The following IKZF3 variants were observed in gnomAD, a reference collection of about 807,000 sequenced individuals.
IKZF3 encodes IKAROS family zinc finger 3.
IKZF3 carries 10 observed loss-of-function variants against 49.0 expected under a neutral mutation model. The ratio of observed to expected loss-of-function variants is 0.20; its 90% CI spans 0.13 to 0.35. The LOEUF (loss-of-function observed/expected upper bound fraction) is 0.35. Ranked by LOEUF, IKZF3 falls within the 10% of genes least tolerant of loss-of-function variation. The pLI is 1.00. For synonymous variants in IKZF3, 209 were observed against 228.2 expected, an observed-to-expected ratio of 0.92 and a Z score of 0.76; for missense variants, 498 against 664.8, an observed-to-expected ratio of 0.75 and a Z score of 2.76.
intron 2 of IKZF3, among the ~76,000 whole-genome samples, chr17:39,831,198 G>A (rs950445121): frequency 2.3e-4 from 35 of 152,046 alleles, no homozygotes; most frequent in African/African-American, 6.7e-4. Flanking sequence ...CCTGACCAAC[G>A]TGGTGAAACC....
intron 1 of IKZF3, among the ~76,000 whole-genome samples, chr17:39,861,166 A>C (rs2063205321): frequency 1.3e-5 from 2 of 152,238 alleles, no homozygotes; most frequent in Admixed American, 6.5e-5. Context: ...AACAAGACAC[A>C]GTCTCTGTTC....
In IKZF3 at chr17:39,789,227, C is replaced by T. The variant is rs999720910; in HGVS notation, c.593-853G>A. On this transcript the variant is annotated intron_variant, in intron 5 of 7. Transcript: ENST00000346872. ...GGAGGATCACCTGAGGTCAGGAGTT[C>T]GAGACCAGCCTGCCTAACATGGCAA... Among the ~76,000 whole-genome samples, 9 of 152,092 alleles carry T rather than the reference C, an allele frequency of 5.9e-5. 1 individual carries two copies. The highest frequency in any genetic ancestry group is 3.3e-4 in the Admixed American group (5 of 15,280).
intron 1 of IKZF3, among the ~76,000 whole-genome samples, chr17:39,848,925 C>T (rs2062712694): frequency 6.6e-6 from 1 of 152,114 alleles, no homozygotes; most frequent in African/African-American, 2.4e-5. Context: ...TTGAATGATC[C>T]TCCCGCTTTA....
intron 3 of IKZF3, among the ~76,000 whole-genome samples, chr17:39,794,563 G>A (rs2061116024): frequency 6.6e-6 from 1 of 152,284 alleles, no homozygotes; most frequent in East Asian, 1.9e-4. Flanking sequence ...AGAGGAGCCA[G>A]GGCTGCCACA....
Position 39,777,278 on chromosome 17 carries a change from C to T in IKZF3, c.826+373G>A, listed in dbSNP as rs1157697438. 3.3e-5 allele frequency among the ~76,000 whole-genome samples: 5 copies of T among 152,296 alleles called. No homozygotes were observed. The South Asian group carries it at 6.2e-4, about 19-fold the overall frequency. ...AAGTTTGAGCATGCTAACGAACCAA[C>T]TTGTAAAATATAATTACAAAAGATT... is the stretch of plus-strand genomic sequence containing the variant. On this transcript the variant is annotated intron_variant, in intron 7 of 7. Transcript: ENST00000346872.
chr17:39,838,244 T>C (rs2062358505), intron 1 of IKZF3, among the ~76,000 whole-genome samples: 1 of 152,184 alleles, frequency 6.6e-6, no homozygotes. Flanking sequence ...TTCAATTATA[T>C]GTGTGTTAGA....
chr17:39,821,958 C>G (rs1347099355), intron 3 of IKZF3, among the ~76,000 whole-genome samples: 2 of 152,066 alleles, frequency 1.3e-5, no homozygotes, highest in Admixed American at 6.5e-5. Flanking sequence ...AGTGGAAGAG[C>G]ATGTTTGGGT....
rs2060206224 is a variant in IKZF3 at position 39,762,635 on chromosome 17, C to CCT, written c.*3154_*3155insAG. On this transcript the variant is annotated 3_prime_UTR_variant, in exon 8 of 8. Transcript: ENST00000346872. Reference sequence around the variant, plus strand: ...GGTGCGGTAGCTCATGCCTGTAATCCCAGCACTGTGGGAGGCCAAGGCGGG... The same window carrying CCT: ...GGTGCGGTAGCTCATGCCTGTAATCCCTCAGCACTGTGGGAGGCCAAGGCGGG... 1 of 152,264 alleles carries CCT rather than the reference C, an allele frequency of 6.6e-6. No homozygotes were observed. The highest frequency in any genetic ancestry group is 1.5e-5 in the Non-Finnish European group (1 of 68,108). 9.4% of individuals were successfully genotyped at this position (152,264 alleles called of 1,614,324 possible). A position where few individuals can be genotyped will look rare whatever the true frequency, so the allele number is the denominator to read the frequency against.
At chr17:39,791,035 C>T (rs375552365) in intron 5 of IKZF3, among the ~76,000 whole-genome samples, 2 of 152,112 alleles carry the variant, frequency 1.3e-5, no homozygotes, top group Non-Finnish European at 2.9e-5. Flanking sequence ...ACATCATTTG[C>T]TTGTCTCGTC....
intron 1 of IKZF3, among the ~76,000 whole-genome samples, chr17:39,863,820 C>T (rs912951161): frequency 3.3e-5 from 5 of 152,086 alleles, no homozygotes; most frequent in Non-Finnish European, 4.4e-5. Context: ...AGATTTGCAG[C>T]CATTTCAGGG....
intron 1 of IKZF3, among the ~76,000 whole-genome samples, chr17:39,834,712 G>C (rs887773119): frequency 2.0e-5 from 3 of 152,012 alleles, no homozygotes; most frequent in African/African-American, 7.3e-5. Context: ...TTCTTTGTTT[G>C]TTTTGTTTTG....
intron 3 of IKZF3, among the ~76,000 whole-genome samples, chr17:39,813,628 C>T (rs1310953438): frequency 6.7e-6 from 1 of 149,026 alleles, no homozygotes; most frequent in East Asian, 2.0e-4. Context: ...TGGGTGACAG[C>T]GTGATTAAAA....
intron 2 of IKZF3, among the ~76,000 whole-genome samples, chr17:39,831,779 A>G (rs1200252437): frequency 1.3e-5 from 2 of 152,244 alleles, no homozygotes; most frequent in Non-Finnish European, 2.9e-5. Context: ...AAAAATCGCA[A>G]GTCATTCAAA....
rs1317994176 is a variant in IKZF3 at position 39,764,292 on chromosome 17, C to T, written c.*1498G>A. ...CAGCATGGGCAACATAGTGAGACCC[C>T]TATCTCTACAAAAAGAACAAAATGT... On this transcript the variant is annotated 3_prime_UTR_variant, in exon 8 of 8. Transcript: ENST00000346872. The T allele has an allele frequency of 6.6e-6, 1 of 151,984 alleles. No homozygotes were observed. Among genetic ancestry groups the T allele is most frequent in the African/African-American group, 2.4e-5 (1 of 41,380 alleles). 9.4% of individuals were successfully genotyped at this position (151,984 alleles called of 1,614,324 possible).
chr17:39,777,715 G>C lies in IKZF3; in HGVS notation c.762C>G (p.Leu254=), dbSNP rs781038555. 3.1e-6 allele frequency: 5 copies of C among 1,613,748 alleles called. No homozygotes were observed. Among genetic ancestry groups the C allele is most frequent in the Admixed American group, 1.7e-5 (1 of 59,980 alleles). Residue 254 remains leucine (L), a synonymous_variant, in exon 7 of 8, where the codon CTC becomes CTG. Transcript: ENST00000346872. ...IKAEMGSERA[L]VLDRLASNVA... ...CATTGCTTGCTAATCTGTCCAGTAC[G>C]AGAGCTCTTTCACTTCCCATCTCTG...
rs1211244204 is a variant in IKZF3, at chr17:39,791,887, C to CTT, written c.425-306_425-305dup. Among the ~76,000 whole-genome samples the CTT allele has an allele frequency of 6.9e-3, 877 of 126,804 alleles. 20 individuals are homozygous for CTT. The highest frequency in any genetic ancestry group is 0.022 in the African/African-American group (710 of 32,534). 83.2% of individuals were successfully genotyped at this position (126,804 alleles called of 152,430 possible). A position where few individuals can be genotyped will look rare whatever the true frequency, so the allele number is the denominator to read the frequency against. On this transcript the variant is annotated intron_variant, in intron 4 of 7. Transcript: ENST00000346872. Reference sequence around the variant, plus strand: ...ATATTACTATATTACTTGGTACTCCCTTTTTTTTTTTTTTTTTTTTTTAGA... The same window carrying CTT: ...ATATTACTATATTACTTGGTACTCCCTTTTTTTTTTTTTTTTTTTTTTTTAGA...
At chr17:39,828,319 C>T (rs569185234) in intron 3 of IKZF3, among the ~76,000 whole-genome samples, 3 of 152,288 alleles carry the variant, frequency 2.0e-5, no homozygotes, top group Admixed American at 6.5e-5. Context: ...TAACCCTATC[C>T]TGTATGTATG....
intron 1 of IKZF3, among the ~76,000 whole-genome samples, chr17:39,851,444 AG>A (rs1222943194): frequency 1.3e-5 from 2 of 152,188 alleles, no homozygotes; most frequent in African/African-American, 4.8e-5. Flanking sequence ...CAACATCAGA[AG>A]GTATAAATTG....
Position 39,777,747 on chromosome 17 carries a change from T to G in IKZF3, c.730A>C (p.Ile244Leu). 6.2e-7 allele frequency: 1 copy of G among 1,613,894 alleles called. No homozygotes were observed. The highest frequency in any genetic ancestry group is 8.5e-7 in the Non-Finnish European group (1 of 1,179,912). The change falls in exon 7 of 8, where the codon ATC (isoleucine) becomes CTC (leucine). Residue 244 changes from isoleucine (I) to leucine (L), a missense_variant. By Grantham distance (5) the Ile-to-Leu change is conservative (BLOSUM62 2). Around this residue, in one of 3 missense-constraint regions of IKZF3, gnomAD observed 317 missense variants for 397.3 expected, o/e 0.80. Coordinates refer to ENST00000346872, the MANE Select transcript of IKZF3 (RefSeq NM_012481.5). Reference sequence around the variant, plus strand: ...CTTTCACTTCCCATCTCTGCTTTGATGTGTCTTGCCTCCGCACTTGCTAGT... The same window carrying G: ...CTTTCACTTCCCATCTCTGCTTTGAGGTGTCTTGCCTCCGCACTTGCTAGT... ...GDTASAEARH[I>L]KAEMGSERAL...
Sources: gnomAD v4.1 joint callset for allele counts (sites outside exome capture counted in the v4.1 genomes callset) on GRCh38, gnomAD v4.1.1 for gene constraint, gnomAD v4.1.1 regional missense constraint, MANE v1.5 for transcripts, NCBI Gene and HGNC (gene_info 2026-07-23, HGNC 2026-07-21) for gene names.